SGCD: variants seen among roughly 807,000 people sequenced by gnomAD.
SGCD encodes the protein delta-sarcoglycan.
A neutral mutation model predicts 36.6 loss-of-function variants in SGCD; 18 were observed. That is an observed-to-expected ratio of 0.49 (90% CI 0.34 to 0.73). The LOEUF (loss-of-function observed/expected upper bound fraction) is 0.73. Among genes scored for constraint, SGCD ranks in the 30% least tolerant of loss-of-function variants. SGCD has a pLI of 0.01. For synonymous variants in SGCD, 133 were observed against 130.6 expected (o/e 1.02, Z -0.12); for missense variants, 387 against 346.7 (o/e 1.12, Z -0.92).
At chr5:156,642,742 C>G (rs10476478) in intron 6 of SGCD, among the ~76,000 whole-genome samples, 23 of 152,062 alleles carry the variant, frequency 1.5e-4, no homozygotes, top group African/African-American at 4.6e-4. Flanking sequence ...AATGGGATTA[C>G]AGGTGTGAGC....
At chr5:155,897,715 AAC>A (rs1756297747) in intron 1 of SGCD, among the ~76,000 whole-genome samples, 1 of 152,218 alleles carries the variant, frequency 6.6e-6, no homozygotes, top group South Asian at 2.1e-4. Context: ...AAACTAAGAC[AAC>A]ACACACGTTA....
chr5:156,611,095 C>T (rs1262307185), intron 6 of SGCD, among the ~76,000 whole-genome samples: 1 of 152,236 alleles, frequency 6.6e-6, no homozygotes, highest in East Asian at 1.9e-4. Flanking sequence ...CCTGGTACCT[C>T]AGTTGGAAAT....
intron 1 of SGCD, among the ~76,000 whole-genome samples, chr5:156,073,820 C>A (rs1760673462): frequency 6.6e-6 from 1 of 152,120 alleles, no homozygotes; most frequent in Admixed American, 6.6e-5. Context: ...TCTTCATAAC[C>A]CATTATTTGA....
intron 3 of SGCD, among the ~76,000 whole-genome samples, chr5:156,268,759 AT>A (rs1766072203): frequency 6.6e-6 from 1 of 151,940 alleles, no homozygotes. Flanking sequence ...CGCCTGGCAA[AT>A]TTTTGTGTTT....
At chr5:155,940,672 G>A (rs186121664) in intron 1 of SGCD, among the ~76,000 whole-genome samples, 9 of 152,088 alleles carry the variant, frequency 5.9e-5, no homozygotes, top group Middle Eastern at 3.4e-3. Flanking sequence ...GTGAAACCCC[G>A]TCTCTACTAA....
chr5:155,992,265 T>C (rs947494792), intron 1 of SGCD, among the ~76,000 whole-genome samples: 3 of 152,182 alleles, frequency 2.0e-5, no homozygotes, highest in African/African-American at 7.2e-5. Context: ...AGAGAATTTA[T>C]CCTTCTGATT....
intron 3 of SGCD, among the ~76,000 whole-genome samples, chr5:156,234,369 T>C (rs1314634604): frequency 1.3e-5 from 2 of 152,180 alleles, no homozygotes; most frequent in Non-Finnish European, 2.9e-5. Flanking sequence ...TTTATACATA[T>C]TTAAAAATAT....
At chr5:155,844,124 A>AC in the SGCD span, among the ~76,000 whole-genome samples, 1 of 151,594 alleles carries the variant, frequency 6.6e-6, no homozygotes, top group Non-Finnish European at 1.5e-5. Flanking sequence ...GGAAAAAAAA[A>AC]CAATCAGCTT....
intron 7 of SGCD, among the ~76,000 whole-genome samples, chr5:156,680,781 C>T (rs772123310): frequency 1.3e-5 from 2 of 152,180 alleles, no homozygotes; most frequent in Non-Finnish European, 2.9e-5. Context: ...GGTAGAAGCA[C>T]TTCAGCAGGG....
At position 156,647,502 on chromosome 5, in the gene SGCD, C is replaced by A; in HGVS notation, c.541C>A (p.Pro181Thr). Residue 181 changes from proline (P) to threonine (T), a missense_variant, in exon 7 of 9, where the codon CCT becomes ACT. Physicochemically the swap from Pro to Thr is conservative, Grantham distance 38 (BLOSUM62 -1). Transcript: ENST00000337851. Reference sequence around the variant, plus strand: ...AGTGTTCCCTAAATCTATAGAAACACCTAATGTCAGGGCAGACCCCTTCAA... The same window carrying A: ...AGTGTTCCCTAAATCTATAGAAACAACTAATGTCAGGGCAGACCCCTTCAA... ...GTVFPKSIET[P>T]NVRADPFKEL... 1 of 1,587,064 alleles carries A rather than the reference C, an allele frequency of 6.3e-7. No homozygotes were observed. Among genetic ancestry groups the A allele is most frequent in the South Asian group, 1.1e-5 (1 of 87,092 alleles).
intron 4 of SGCD, among the ~76,000 whole-genome samples, chr5:156,518,423 GATC>G (rs1243270667): frequency 3.9e-5 from 6 of 152,146 alleles, no homozygotes; most frequent in African/African-American, 1.4e-4. Context: ...ATATTAGACG[GATC>G]ATCAACACAG....
chr5:156,217,189 A>T (rs1764599122), intron 3 of SGCD, among the ~76,000 whole-genome samples: 1 of 152,176 alleles, frequency 6.6e-6, no homozygotes, highest in Non-Finnish European at 1.5e-5. Context: ...AGGGTACGTG[A>T]CTCTTTAAAC....
chr5:155,779,922 T>A, the SGCD span, among the ~76,000 whole-genome samples: 23 of 152,316 alleles, frequency 1.5e-4, no homozygotes, highest in Non-Finnish European at 2.6e-4. Flanking sequence ...CTTTCTCATA[T>A]CTACTGGACA....
chr5:156,180,787 A>T (rs957135505), intron 3 of SGCD, among the ~76,000 whole-genome samples: 11 of 152,212 alleles, frequency 7.2e-5, no homozygotes, highest in African/African-American at 2.7e-4. Context: ...TGGGAGGCAC[A>T]CATTATTTTG....
the SGCD span, among the ~76,000 whole-genome samples, chr5:155,828,539 T>C: frequency 2.0e-5 from 3 of 152,204 alleles, no homozygotes; most frequent in African/African-American, 7.2e-5. Flanking sequence ...TAGATGTGTG[T>C]AGGAAGTGAT....
chr5:156,400,013 A>G (rs747261777), intron 3 of SGCD, among the ~76,000 whole-genome samples: 32 of 152,170 alleles, frequency 2.1e-4, no homozygotes, highest in Non-Finnish European at 4.1e-4. Flanking sequence ...AAGTTAATAG[A>G]TGTTACATGA....
At chr5:156,433,382 C>T (rs1202235200) in intron 3 of SGCD, among the ~76,000 whole-genome samples, 6 of 152,132 alleles carry the variant, frequency 3.9e-5, no homozygotes, top group Non-Finnish European at 8.8e-5. Context: ...ACCATTCTAA[C>T]GGTGATCCAG....
At chr5:156,213,122 G>A (rs1169195841) in intron 3 of SGCD, among the ~76,000 whole-genome samples, 1 of 151,860 alleles carries the variant, frequency 6.6e-6, no homozygotes, top group African/African-American at 2.4e-5. Flanking sequence ...TAAGCTTAAA[G>A]TTAGTAGAAG....
At chr5:156,559,404 C>T (rs1004435140) in intron 4 of SGCD, among the ~76,000 whole-genome samples, 2 of 152,056 alleles carry the variant, frequency 1.3e-5, no homozygotes, top group Non-Finnish European at 2.9e-5. Flanking sequence ...ATGAAACTTG[C>T]GAAGTAGAAC....
Sources: gnomAD v4.1 joint callset for allele counts (sites outside exome capture counted in the v4.1 genomes callset) on GRCh38, gnomAD v4.1.1 for gene constraint, MANE v1.5 for transcripts, NCBI Gene and HGNC (gene_info 2026-07-23, HGNC 2026-07-21) for gene names.